VMP1: variants seen among roughly 807,000 people sequenced by gnomAD.
VMP1 encodes ectopic P-granules autophagy protein 3 homolog.
VMP1 carries 11 observed loss-of-function variants against 56.0 expected under a neutral mutation model. The ratio of observed to expected loss-of-function variants is 0.20; its 90% confidence interval spans 0.12 to 0.32. The LOEUF is 0.32. VMP1 is among the 10% of genes least tolerant of loss of function. The pLI is 1.00. For missense variants in VMP1, 296 were observed against 490.3 expected (o/e 0.60, Z 3.74); for synonymous variants, 149 against 165.0 (o/e 0.90, Z 0.74).
chr17:59,837,083 A>G (rs913766364), intron 10 of VMP1, among the ~76,000 whole-genome samples: 3 of 151,914 alleles, frequency 2.0e-5, no homozygotes, highest in Admixed American at 1.3e-4. Flanking sequence ...AGCGCCTGTA[A>G]TCCCAGCTAC....
chr17:59,792,850 C>CAAAAAAAAA (rs1164749694), intron 7 of VMP1, among the ~76,000 whole-genome samples: 14 of 65,304 alleles, frequency 2.1e-4, no homozygotes, highest in African/African-American at 9.5e-4. Context: ...AACGCCATCT[C>CAAAAAAAAA]AAAAAATAAT....
At chr17:59,814,899 A>C (rs1017882388) in intron 9 of VMP1, among the ~76,000 whole-genome samples, 12 of 152,180 alleles carry the variant, frequency 7.9e-5, no homozygotes, top group Non-Finnish European at 1.8e-4. Flanking sequence ...ATCCAGATGT[A>C]GCTTAGGGTA....
At chr17:59,714,084 G>A (rs930199636) in intron 1 of VMP1, among the ~76,000 whole-genome samples, 6 of 150,234 alleles carry the variant, frequency 4.0e-5, no homozygotes, top group African/African-American at 9.8e-5. Context: ...TTCTTAGTCC[G>A]TTTTCTGTTG....
intron 8 of VMP1, among the ~76,000 whole-genome samples, chr17:59,809,453 G>A (rs989368877): frequency 5.7e-5 from 8 of 140,044 alleles, no homozygotes; most frequent in African/African-American, 2.2e-4. Flanking sequence ...AAGTAGCTGG[G>A]ATTTCAGGCG....
chr17:59,773,914 C>A, intron 7 of VMP1, 29 bp downstream of exon 7: 1 of 1,546,042 alleles, frequency 6.5e-7, no homozygotes, highest in Non-Finnish European at 8.7e-7. Flanking sequence ...GAAAATAGAA[C>A]ACTTTACTTC....
intron 7 of VMP1, among the ~76,000 whole-genome samples, chr17:59,787,639 T>G (rs1413366022): frequency 2.6e-5 from 4 of 151,932 alleles, no homozygotes; most frequent in Admixed American, 2.6e-4. Flanking sequence ...TTGGCCAACA[T>G]GGTGAAACCC....
chr17:59,787,641 G>A lies in VMP1; in HGVS notation c.714+13756G>A, dbSNP rs551362164. Among the ~76,000 whole-genome samples the A allele has an allele frequency of 9.9e-5, 15 of 152,146 alleles. 1 individual carries two copies. In the South Asian group the frequency reaches 3.1e-3, roughly 32 times the overall value. ...GTTTGAGACCAGCTTGGCCAACATG[G>A]TGAAACCCCATCTCTACTAAAAATA... On this transcript the variant is annotated intron_variant, in intron 7 of 11. Coordinates refer to ENST00000262291, the MANE Select transcript of VMP1 (RefSeq NM_030938.5).
At chr17:59,788,304 T>G (rs2037080012) in intron 7 of VMP1, among the ~76,000 whole-genome samples, 1 of 150,686 alleles carries the variant, frequency 6.6e-6, no homozygotes, top group Non-Finnish European at 1.5e-5. Context: ...CTGGCCAAGA[T>G]GGTGAAACAC....
chr17:59,825,631 A>G (rs1275389100), intron 10 of VMP1, among the ~76,000 whole-genome samples: 1 of 152,224 alleles, frequency 6.6e-6, no homozygotes, highest in Non-Finnish European at 1.5e-5. Flanking sequence ...ATTGGAAGAC[A>G]AAGTCCCCAG....
intron 7 of VMP1, among the ~76,000 whole-genome samples, chr17:59,780,194 A>C (rs2036769574): frequency 6.6e-6 from 1 of 152,256 alleles, no homozygotes. Flanking sequence ...ATTTTAAGAT[A>C]AACTGTACAT....
chr17:59,716,769 C>A (rs1401205460), intron 1 of VMP1, among the ~76,000 whole-genome samples: 1 of 139,892 alleles, frequency 7.1e-6, no homozygotes, highest in Non-Finnish European at 1.6e-5. Context: ...AAACTCTACC[C>A]TTGTGCTAGT....
At chr17:59,789,080 G>A (rs1196725216) in intron 7 of VMP1, among the ~76,000 whole-genome samples, 1 of 147,924 alleles carries the variant, frequency 6.8e-6, no homozygotes, top group East Asian at 2.0e-4. Context: ...CACGAGGTCA[G>A]GAGATCAAGA....
At chr17:59,822,615 A>G (rs571293129) in intron 10 of VMP1, among the ~76,000 whole-genome samples, 1 of 152,270 alleles carries the variant, frequency 6.6e-6, no homozygotes, top group South Asian at 2.1e-4. Flanking sequence ...GTGAGCCACC[A>G]TGCCCAGCCA....
intron 6 of VMP1, among the ~76,000 whole-genome samples, chr17:59,769,923 T>G (rs551618474): frequency 6.6e-6 from 1 of 152,286 alleles, no homozygotes; most frequent in African/African-American, 2.4e-5. Flanking sequence ...AGTATCTAAT[T>G]TGAGATAAAT....
chr17:59,726,852 G>C (rs981266399), intron 1 of VMP1, among the ~76,000 whole-genome samples: 2 of 152,170 alleles, frequency 1.3e-5, no homozygotes, highest in African/African-American at 4.8e-5. Context: ...CTTCACACAA[G>C]TATGACTTAA....
intron 7 of VMP1, among the ~76,000 whole-genome samples, chr17:59,795,203 G>GACCTCAGGTGATCTGCCC (rs1187864551): frequency 6.6e-6 from 1 of 151,876 alleles, no homozygotes; most frequent in Non-Finnish European, 1.5e-5. Context: ...TGGAACTCCC[G>GACCTCAGGTGATCTGCCC]ACCTCAGGTG....
At chr17:59,753,761 C>A (rs1042471844) in intron 5 of VMP1, among the ~76,000 whole-genome samples, 6 of 152,102 alleles carry the variant, frequency 3.9e-5, no homozygotes, top group Middle Eastern at 3.2e-3. Flanking sequence ...AAAACATACC[C>A]AAATATTTAG....
chr17:59,783,071 C>T (rs550702108), intron 7 of VMP1, among the ~76,000 whole-genome samples: 108 of 152,202 alleles, frequency 7.1e-4, no homozygotes, highest in Middle Eastern at 3.4e-3. Flanking sequence ...TGGCGGGCGC[C>T]TCTAGTCCCA....
chr17:59,748,127 C>G (rs146881879), intron 5 of VMP1, among the ~76,000 whole-genome samples: 5,688 of 143,804 alleles, frequency 0.04, 382 homozygotes, highest in African/African-American at 0.14. Flanking sequence ...ACCCAGGAGG[C>G]GGAGCTTACA....
Sources: gnomAD v4.1 joint callset for allele counts (sites outside exome capture counted in the v4.1 genomes callset) on GRCh38, gnomAD v4.1.1 for gene constraint, MANE v1.5 for transcripts, NCBI Gene and HGNC (gene_info 2026-07-23, HGNC 2026-07-21) for gene names.